BCKDHB: variants seen among roughly 807,000 people sequenced by gnomAD.
BCKDHB encodes the protein 2-oxoisovalerate dehydrogenase subunit beta, mitochondrial.
BCKDHB carries 41 observed loss-of-function variants against 48.5 expected under a neutral mutation model. That is an observed-to-expected ratio of 0.85 (90% confidence interval 0.66 to 1.10). BCKDHB has a LOEUF of 1.10. Among genes scored for constraint, BCKDHB ranks in the 50% least tolerant of loss-of-function variants. The pLI is 0.00. For synonymous variants in BCKDHB, 201 were observed against 174.8 expected, an observed-to-expected ratio of 1.15 and a Z score of -1.18; for missense variants, 496 against 494.2, an observed-to-expected ratio of 1.00 and a Z score of -0.03.
chr6:80,263,395 G>C (rs894082473), intron 8 of BCKDHB, among the ~76,000 whole-genome samples: 2 of 152,042 alleles, frequency 1.3e-5, no homozygotes, highest in African/African-American at 4.8e-5. Flanking sequence ...TTTAATGAAA[G>C]CACGTAAGTT....
At chr6:80,166,183 A>G (rs1772559649) in intron 3 of BCKDHB, among the ~76,000 whole-genome samples, 1 of 152,150 alleles carries the variant, frequency 6.6e-6, no homozygotes, top group Admixed American at 6.6e-5. Context: ...TATTTTGCCC[A>G]GAGTTTATAA....
intron 3 of BCKDHB, among the ~76,000 whole-genome samples, chr6:80,146,879 G>A (rs1009827404): frequency 6.6e-6 from 1 of 152,148 alleles, no homozygotes; most frequent in Non-Finnish European, 1.5e-5. Flanking sequence ...AGGAAGGCTG[G>A]GAAATGTAGT....
chr6:80,316,136 C>T (rs1040661917), intron 9 of BCKDHB, among the ~76,000 whole-genome samples: 1 of 152,212 alleles, frequency 6.6e-6, no homozygotes, highest in Non-Finnish European at 1.5e-5. Flanking sequence ...AACTGGTATG[C>T]TTCATTAGGC....
the BCKDHB span, among the ~76,000 whole-genome samples, chr6:80,398,360 T>C: frequency 1.3e-5 from 2 of 151,666 alleles, no homozygotes; most frequent in Non-Finnish European, 2.9e-5. Flanking sequence ...AGAAAGAAGA[T>C]TCAAGTAAAT....
intron 9 of BCKDHB, among the ~76,000 whole-genome samples, chr6:80,278,105 G>A (rs1358711264): frequency 5.3e-5 from 8 of 152,108 alleles, no homozygotes; most frequent in Non-Finnish European, 8.8e-5. Context: ...TGCCGTGCTG[G>A]TAAATTGTCA....
chr6:80,139,687 T>C (rs1201943654), intron 3 of BCKDHB, among the ~76,000 whole-genome samples: 1 of 152,164 alleles, frequency 6.6e-6, no homozygotes, highest in Non-Finnish European at 1.5e-5. Context: ...ACCAGTACCA[T>C]GCTGTTTTGG....
At chr6:80,265,766 A>G (rs1220548352) in intron 8 of BCKDHB, among the ~76,000 whole-genome samples, 3 of 152,146 alleles carry the variant, frequency 2.0e-5, no homozygotes, top group African/African-American at 7.2e-5. Flanking sequence ...ACTTGGAACA[A>G]TATAATAGGT....
chr6:80,284,525 A>C (rs189539469), intron 9 of BCKDHB, among the ~76,000 whole-genome samples: 1 of 152,224 alleles, frequency 6.6e-6, no homozygotes, highest in East Asian at 1.9e-4. Flanking sequence ...ATTTGAAGAG[A>C]CATAACTTTT....
At chr6:80,452,446 A>G in the BCKDHB span, among the ~76,000 whole-genome samples, 3 of 152,190 alleles carry the variant, frequency 2.0e-5, no homozygotes, top group Admixed American at 6.5e-5. Context: ...TAAACAGTCA[A>G]TGTAGATGCA....
rs191315045 is a variant in BCKDHB, at chr6:80,221,962, C to T, written c.951+18750C>T. Among the ~76,000 whole-genome samples, 9 of 152,066 alleles carry T rather than the reference C, an allele frequency of 5.9e-5. No individual in the cohort carries two copies. In the East Asian group the frequency reaches 9.6e-4, roughly 16 times the overall value. Reference sequence around the variant, plus strand: ...CTAATTTTATTATTATTTTTTAAAACGTTTTATTTTATTTTAGATTCAGGG... The same window carrying T: ...CTAATTTTATTATTATTTTTTAAAATGTTTTATTTTATTTTAGATTCAGGG... On this transcript the variant is annotated intron_variant, in intron 8 of 9. Coordinates refer to ENST00000320393, the MANE Select transcript of BCKDHB (RefSeq NM_183050.4).
chr6:80,425,616 A>G, the BCKDHB span, among the ~76,000 whole-genome samples: 1 of 152,190 alleles, frequency 6.6e-6, no homozygotes, highest in Non-Finnish European at 1.5e-5. Flanking sequence ...ACAGTTTTGA[A>G]CACTTAGTCA....
At chr6:80,421,041 GT>G in the BCKDHB span, among the ~76,000 whole-genome samples, 63 of 152,144 alleles carry the variant, frequency 4.1e-4, no homozygotes, top group Non-Finnish European at 7.8e-4. Context: ...CTCTGATATG[GT>G]TTGGCTCTGT....
intron 8 of BCKDHB, among the ~76,000 whole-genome samples, chr6:80,222,169 C>T (rs1393499356): frequency 1.3e-5 from 2 of 152,124 alleles, no homozygotes; most frequent in African/African-American, 4.8e-5. Context: ...ATCTTTGTGT[C>T]TGTGTGTACC....
At chr6:80,381,258 A>G in the BCKDHB span, among the ~76,000 whole-genome samples, 2 of 151,970 alleles carry the variant, frequency 1.3e-5, no homozygotes, top group Non-Finnish European at 2.9e-5. Context: ...ATCAAGCTCA[A>G]TGACACCTCT....
At chr6:80,198,233 C>CA (rs1246692504) in intron 6 of BCKDHB, among the ~76,000 whole-genome samples, 1 of 151,996 alleles carries the variant, frequency 6.6e-6, no homozygotes, top group Non-Finnish European at 1.5e-5. Context: ...ATGCTGTTTA[C>CA]AAAAAAATCA....
intron 8 of BCKDHB, among the ~76,000 whole-genome samples, chr6:80,212,261 C>T (rs1273215903): frequency 6.6e-6 from 1 of 152,108 alleles, no homozygotes; most frequent in Non-Finnish European, 1.5e-5. Flanking sequence ...CAGGGCGTAT[C>T]TCAGTCCTTA....
chr6:80,345,461 G>A lies in BCKDHB; in HGVS notation c.*1657G>A, dbSNP rs551809191. 6 of 152,202 alleles carry A rather than the reference G, an allele frequency of 3.9e-5. No homozygotes were observed. The highest frequency in any genetic ancestry group is 1.3e-4 in the Admixed American group (2 of 15,298). 9.4% of individuals were successfully genotyped at this position (152,202 alleles called of 1,614,324 possible). On this transcript the variant is annotated 3_prime_UTR_variant, in exon 10 of 10. Transcript: ENST00000320393. ...GAGTGAAACGCCTTTACATTTGTGC[G>A]GATAGAGAAGTTAACTCTCCCTCAT...
chr6:80,396,851 A>G, the BCKDHB span, among the ~76,000 whole-genome samples: 1 of 152,198 alleles, frequency 6.6e-6, no homozygotes, highest in Admixed American at 6.5e-5. Flanking sequence ...TAAATCAATT[A>G]AACCTCTTTT....
intron 6 of BCKDHB, among the ~76,000 whole-genome samples, chr6:80,179,685 G>C (rs974092870): frequency 6.6e-6 from 1 of 152,036 alleles, no homozygotes; most frequent in Non-Finnish European, 1.5e-5. Flanking sequence ...ATAGTCCAAG[G>C]TTTGAATATA....
Sources: gnomAD v4.1 joint callset for allele counts (sites outside exome capture counted in the v4.1 genomes callset) on GRCh38, gnomAD v4.1.1 for gene constraint, MANE v1.5 for transcripts, NCBI Gene and HGNC (gene_info 2026-07-23, HGNC 2026-07-21) for gene names.